ANKFY1: variants seen among roughly 807,000 people sequenced by gnomAD.
ANKFY1 encodes ankyrin repeat and FYVE domain containing 1, also known as ankyrin repeat and FYVE domain-containing protein 1.
In ANKFY1, 47 loss-of-function variants were observed where a neutral mutation model predicts 128.3. That is an observed-to-expected ratio of 0.37 (90% confidence interval 0.29 to 0.47). The LOEUF is 0.47. ANKFY1 is among the 20% of genes least tolerant of loss of function. The pLI, the probability that ANKFY1 is intolerant of heterozygous loss-of-function variation, is 1.00. For synonymous variants in ANKFY1, 553 were observed against 601.6 expected (o/e 0.92, Z 1.18); for missense variants, 1,222 against 1,510.6 (o/e 0.81, Z 3.17).
intron 4 of ANKFY1, among the ~76,000 whole-genome samples, chr17:4,210,285 C>G (rs1307349214): frequency 6.6e-6 from 1 of 152,198 alleles, no homozygotes; most frequent in East Asian, 1.9e-4. Flanking sequence ...AATGGATCAA[C>G]CTCTGTCCTT....
Position 4,181,679 on chromosome 17 carries a change from A to G in ANKFY1, c.2122-307T>C, listed in dbSNP as rs528957768. Among the ~76,000 whole-genome samples the G allele has an allele frequency of 6.6e-6, 1 of 152,350 alleles. No homozygotes were observed. The highest frequency in any genetic ancestry group is 1.9e-4 in the East Asian group (1 of 5,194). On this transcript the variant is annotated intron_variant, in intron 15 of 24. Transcript: ENST00000341657. This position sits in a 1 kb window ranked among gnomAD's most constrained non-coding sequence, Gnocchi z 4.9. ...GAAAACAGAAAGTGTCTGTGTACAC[A>G]TGCACCAACGGGTCCTCAGTAACAC... is the stretch of plus-strand genomic sequence containing the variant.
At chr17:4,199,010 A>C (rs1305154368) in intron 7 of ANKFY1, among the ~76,000 whole-genome samples, 1 of 152,074 alleles carries the variant, frequency 6.6e-6, no homozygotes, top group Non-Finnish European at 1.5e-5. Flanking sequence ...ACAAAAAAAA[A>C]CTTAGCAAGG....
chr17:4,210,708 C>CA lies in ANKFY1; in HGVS notation c.459-762dup, dbSNP rs371731375. Among the ~76,000 whole-genome samples the CA allele has an allele frequency of 1.7e-3, 72 of 42,432 alleles. 5 individuals carry two copies. Among genetic ancestry groups the CA allele is most frequent in the African/African-American group, 7.3e-3 (62 of 8,510 alleles). 27.8% of individuals were successfully genotyped at this position (42,432 alleles called of 152,430 possible). The stretch of plus-strand genomic sequence containing the variant: ...GGGCGACAAAGGCAAAACTCTGTCG[C>CA]AAAAAAAAAAAAAAAAAAAAAAAAG... On this transcript the variant is annotated intron_variant, in intron 4 of 24. Coordinates refer to ENST00000341657, the MANE Select transcript of ANKFY1 (RefSeq NM_001330063.2).
intron 4 of ANKFY1, among the ~76,000 whole-genome samples, chr17:4,213,836 G>T (rs1478906947): frequency 6.6e-6 from 1 of 152,112 alleles, no homozygotes; most frequent in African/African-American, 2.4e-5. Flanking sequence ...GCCTCCCAAA[G>T]TGCTGGGATT....
chr17:4,183,932 A>G, intron 12 of ANKFY1, 22 bp from the exon 13 acceptor site: 1 of 1,578,230 alleles, frequency 6.3e-7, no homozygotes, highest in Non-Finnish European at 8.7e-7. Context: ...AAAAAGTAAA[A>G]GAACACTTGA....
In ANKFY1 at chr17:4,181,376, C is replaced by A; in HGVS notation, c.2122-4G>T. ...TGGCATCACAGCCATGTCTGACCTG[C>A]AGAAAAACATAGGTTATTCACAAAC... On this transcript the variant is annotated splice_region_variant and splice_polypyrimidine_tract_variant and intron_variant, in intron 15 of 24. Coordinates refer to ENST00000341657, the MANE Select transcript of ANKFY1 (RefSeq NM_001330063.2). The surrounding 1 kb of genome is among the most constrained non-coding windows in gnomAD (Gnocchi z 4.9). 1 of 1,609,990 alleles carries A rather than the reference C, an allele frequency of 6.2e-7. No individual in the cohort carries two copies. The highest frequency in any genetic ancestry group is 8.5e-7 in the Non-Finnish European group (1 of 1,176,306).
intron 11 of ANKFY1, chr17:4,187,670 T>C: frequency 6.2e-6 from 1 of 161,542 alleles, no homozygotes; most frequent in Non-Finnish European, 1.3e-5. Flanking sequence ...TTTTTTTTGT[T>C]TGTTTTTTGT....
rs778023928 is a variant in ANKFY1 at position 4,183,507 on chromosome 17, T to C, written c.1843A>G (p.Ile615Val). The change falls in exon 14 of 25, where the codon ATC (isoleucine) becomes GTC (valine). Residue 615 changes from isoleucine (I) to valine (V), a missense_variant. By Grantham distance (29) the Ile-to-Val change is conservative. Transcript: ENST00000341657. ...AAQLLGSGAA[I>V]NDTMSDGQTL... ...TGCCCATCCGACATGGTGTCATTGATGGCGGCTCCAGAGCCCAGCAGCTGG... is the reference window on the plus strand; with the variant it reads ...TGCCCATCCGACATGGTGTCATTGACGGCGGCTCCAGAGCCCAGCAGCTGG... The C allele has an allele frequency of 2.4e-5, 39 of 1,612,962 alleles. No homozygotes were observed. Among genetic ancestry groups the C allele is most frequent in the Middle Eastern group, 1.9e-4 (1 of 5,196 alleles).
At chr17:4,255,911 A>G (rs1968091885) in intron 1 of ANKFY1, among the ~76,000 whole-genome samples, 1 of 151,294 alleles carries the variant, frequency 6.6e-6, no homozygotes, top group Admixed American at 6.6e-5. Flanking sequence ...TCCGCTTCCC[A>G]GGTTCAAGCA....
chr17:4,202,162 G>A (rs1246426542), intron 7 of ANKFY1, among the ~76,000 whole-genome samples: 2 of 152,088 alleles, frequency 1.3e-5, no homozygotes, highest in South Asian at 2.1e-4. Context: ...CAGCACTTTG[G>A]GAGGCCGAGG....
chr17:4,212,311 T>TA (rs879867706), intron 4 of ANKFY1, among the ~76,000 whole-genome samples: 2 of 152,136 alleles, frequency 1.3e-5, no homozygotes, highest in Non-Finnish European at 2.9e-5. Context: ...AACAATGAGG[T>TA]AAAAAAGACC....
intron 1 of ANKFY1, among the ~76,000 whole-genome samples, chr17:4,253,881 A>G (rs371670133): frequency 6.6e-6 from 1 of 152,172 alleles, no homozygotes; most frequent in African/African-American, 2.4e-5. Context: ...TGACACCCCC[A>G]TAAGATACTA....
At chr17:4,179,696 T>A in intron 17 of ANKFY1, 25 bp downstream of exon 17, 1 of 1,610,828 alleles carries the variant, frequency 6.2e-7, no homozygotes, top group African/African-American at 1.3e-5. Flanking sequence ...TACACCTCTC[T>A]CCCCGGAAAA....
At chr17:4,227,461 T>C (rs574007483) in intron 3 of ANKFY1, among the ~76,000 whole-genome samples, 70 of 152,280 alleles carry the variant, frequency 4.6e-4, no homozygotes, top group African/African-American at 1.7e-3. Context: ...AAGAAAGTGT[T>C]TGGCAAAATT....
chr17:4,179,075 G>A lies in ANKFY1; in HGVS notation c.2398-18C>T. 1 of 1,612,500 alleles carries A rather than the reference G, an allele frequency of 6.2e-7. No individual in the cohort carries two copies. The highest frequency in any genetic ancestry group is 1.3e-5 in the African/African-American group (1 of 75,032). ...TCTGCATCCTATGGAACAAGGCACAGAATTTAATGTTCAATTGCAAGATAA... is the reference window on the plus strand; with the variant it reads ...TCTGCATCCTATGGAACAAGGCACAAAATTTAATGTTCAATTGCAAGATAA... On this transcript the variant is annotated intron_variant, in intron 17 of 24. Transcript: ENST00000341657.
rs561654845 is a variant in ANKFY1, at chr17:4,205,721, G to A, written c.898+600C>T. 1.5e-4 allele frequency among the ~76,000 whole-genome samples: 21 copies of A among 141,626 alleles called. No individual in the cohort carries two copies. In the South Asian group the frequency reaches 4.4e-3, roughly 30 times the overall value. 92.9% of individuals were successfully genotyped at this position (141,626 alleles called of 152,430 possible). The stretch of plus-strand genomic sequence containing the variant: ...CGCACCACTGCACTCCAGCCTGGGC[G>A]ACAGAACAAGACTCCGTCTCAAAAA... On this transcript the variant is annotated intron_variant, in intron 7 of 24. Transcript: ENST00000341657.
chr17:4,226,295 G>A (rs2060423622), intron 3 of ANKFY1, among the ~76,000 whole-genome samples: 1 of 152,066 alleles, frequency 6.6e-6, no homozygotes, highest in African/African-American at 2.4e-5. Context: ...GCCGAGGTGG[G>A]AAGATAATTT....
intron 3 of ANKFY1, among the ~76,000 whole-genome samples, chr17:4,227,341 A>C (rs2143182857): frequency 6.6e-6 from 1 of 152,332 alleles, no homozygotes; most frequent in East Asian, 1.9e-4. Context: ...AACAACATAC[A>C]TAAAAAAGGG....
At chr17:4,173,465 C>T (rs989287283) in intron 20 of ANKFY1, 21 bp from the exon 21 acceptor site, 2 of 1,609,904 alleles carry the variant, frequency 1.2e-6, no homozygotes, top group East Asian at 2.2e-5. Context: ...AATCCTCTTA[C>T]TATGCAAGCC....
Sources: gnomAD v4.1 joint callset for allele counts (sites outside exome capture counted in the v4.1 genomes callset) on GRCh38, gnomAD v4.1.1 for gene constraint, Gnocchi (gnomAD v3.1) non-coding constraint, MANE v1.5 for transcripts, NCBI Gene and HGNC (gene_info 2026-07-23, HGNC 2026-07-21) for gene names.